Variants in PAMR1 observed in about 807,000 individuals in gnomAD.
PAMR1 encodes the protein peptidase domain containing associated with muscle regeneration 1, also known as inactive serine protease PAMR1.
In PAMR1, 88 loss-of-function variants were observed where a neutral mutation model predicts 81.8. The ratio of observed to expected loss-of-function variants is 1.08; its 90% CI spans 0.91 to 1.28. PAMR1 has a LOEUF of 1.28. Among genes scored for constraint, PAMR1 ranks in the 50% most tolerant of loss-of-function variants. The pLI is 0.00. For missense variants in PAMR1, 935 were observed against 919.7 expected (o/e 1.02, Z -0.21); for synonymous variants, 336 against 345.3 (o/e 0.97, Z 0.30).
At chr11:35,524,956 G>C (rs1851357163) in intron 1 of PAMR1, among the ~76,000 whole-genome samples, 1 of 152,202 alleles carries the variant, frequency 6.6e-6, no homozygotes. Flanking sequence ...CATCAGAAAG[G>C]AAGTGTGTCT....
chr11:35,447,360 G>A lies in PAMR1; in HGVS notation c.821-5667C>T, dbSNP rs184051184. Among the ~76,000 whole-genome samples the A allele has an allele frequency of 4.6e-3, 693 of 151,998 alleles. 7 individuals are homozygous for A. Among genetic ancestry groups the A allele is most frequent in the African/African-American group, 0.016 (652 of 41,444 alleles). ...TGGGACTACAGCCACCTGCTACCAC[G>A]CCCGGCTAATTTTTTTCTATTTTTT... On this transcript the variant is annotated intron_variant, in intron 6 of 10. Coordinates refer to ENST00000619888, the MANE Select transcript of PAMR1 (RefSeq NM_001001991.3).
intron 7 of PAMR1, 56 bp downstream of exon 7, chr11:35,441,425 A>C (rs1184231617): frequency 5.5e-5 from 73 of 1,336,066 alleles, no homozygotes; most frequent in Non-Finnish European, 1.1e-6. Context: ...AGGAGCTACC[A>C]AAAAGTCTAG....
intron 1 of PAMR1, among the ~76,000 whole-genome samples, chr11:35,516,096 T>C (rs376319218): frequency 1.4e-4 from 21 of 152,292 alleles, no homozygotes; most frequent in African/African-American, 4.3e-4. Context: ...AAATGGATTA[T>C]CTCATTTAAT....
At chr11:35,489,414 T>G (rs1850575199) in intron 3 of PAMR1, among the ~76,000 whole-genome samples, 2 of 152,288 alleles carry the variant, frequency 1.3e-5, no homozygotes, top group Non-Finnish European at 2.9e-5. Flanking sequence ...CTTTAAGCTC[T>G]TCTCACTCTA....
Position 35,493,010 on chromosome 11 carries a change from T to A in PAMR1, c.251-837A>T, listed in dbSNP as rs145496509. On this transcript the variant is annotated intron_variant, in intron 2 of 10. Coordinates refer to ENST00000619888, the MANE Select transcript of PAMR1 (RefSeq NM_001001991.3). ...TGTCCTCATTTGTCAAACTGGGTGA[T>A]ATGATTTGGATCTGTGTCCCCACCC... Among the ~76,000 whole-genome samples the A allele has an allele frequency of 4.6e-3, 702 of 152,310 alleles. 4 individuals carry two copies. The highest frequency in any genetic ancestry group is 0.016 in the African/African-American group (671 of 41,566).
chr11:35,454,347 C>A (rs1856480928), intron 6 of PAMR1, among the ~76,000 whole-genome samples: 1 of 152,164 alleles, frequency 6.6e-6, no homozygotes, highest in Non-Finnish European at 1.5e-5. Context: ...CCCAGGGTTG[C>A]CTGTAGGCAA....
At chr11:35,436,796 G>A (rs915417380) in intron 8 of PAMR1, among the ~76,000 whole-genome samples, 2 of 151,980 alleles carry the variant, frequency 1.3e-5, no homozygotes, top group African/African-American at 4.8e-5. Flanking sequence ...TTTAACCAAA[G>A]ACAATAATAC....
intron 8 of PAMR1, among the ~76,000 whole-genome samples, chr11:35,439,025 C>T (rs1283165850): frequency 6.6e-6 from 1 of 151,962 alleles, no homozygotes; most frequent in African/African-American, 2.4e-5. Flanking sequence ...TCAAGGAGGC[C>T]CGTGTAGCTG....
chr11:35,439,833 C>A, intron 7 of PAMR1, 140 bp from the exon 8 acceptor site: 1 of 671,192 alleles, frequency 1.5e-6, no homozygotes, highest in South Asian at 1.7e-5. Flanking sequence ...ACATGTCAGC[C>A]AAGCTTGAAC....
At chr11:35,443,618 C>A (rs913795170) in intron 6 of PAMR1, among the ~76,000 whole-genome samples, 3 of 152,158 alleles carry the variant, frequency 2.0e-5, no homozygotes, top group African/African-American at 7.2e-5. Context: ...CATTGATGGT[C>A]ATTTGGGTTA....
In PAMR1 at chr11:35,483,263, CCTCCTTCCCCCAGCTTCCTGCA is replaced by C. The variant is rs770440471; in HGVS notation, c.380-8541_380-8520del. Among the ~76,000 whole-genome samples the C allele has an allele frequency of 8.3e-4, 126 of 152,256 alleles. 1 individual carries two copies. In the Middle Eastern group the frequency reaches 0.01, roughly 12 times the overall value. ...GGAAATCTCTCTTTGATTTTCATCT[CCTCCTTCCCCCAGCTTCCTGCA>C]CTCCTGTGACTACAAGACTGGGAAG... On this transcript the variant is annotated intron_variant, in intron 3 of 10. Transcript: ENST00000619888.
chr11:35,459,449 A>T (rs536480209), intron 6 of PAMR1, among the ~76,000 whole-genome samples: 4 of 152,304 alleles, frequency 2.6e-5, no homozygotes, highest in Admixed American at 2.6e-4. Context: ...GCTTCCCCAA[A>T]TCTCAGAAGA....
chr11:35,445,231 A>G (rs1442715948), intron 6 of PAMR1, among the ~76,000 whole-genome samples: 1 of 152,258 alleles, frequency 6.6e-6, no homozygotes, highest in Non-Finnish European at 1.5e-5. Flanking sequence ...CAGCTTAAGA[A>G]GCTTTTGGTC....
At chr11:35,479,232 C>A (rs1380261572) in intron 3 of PAMR1, among the ~76,000 whole-genome samples, 1 of 152,150 alleles carries the variant, frequency 6.6e-6, no homozygotes, top group African/African-American at 2.4e-5. Flanking sequence ...GAGGCATTTG[C>A]ATTTTCTTTC....
At chr11:35,450,043 G>C (rs1856378345) in intron 6 of PAMR1, among the ~76,000 whole-genome samples, 1 of 137,622 alleles carries the variant, frequency 7.3e-6, no homozygotes, top group Non-Finnish European at 1.5e-5. Flanking sequence ...CAGCCATCTT[G>C]GCCCCCACAA....
intron 6 of PAMR1, among the ~76,000 whole-genome samples, chr11:35,464,248 A>G (rs926274732): frequency 6.6e-5 from 10 of 152,256 alleles, no homozygotes; most frequent in African/African-American, 2.4e-4. Context: ...GGATGAATAT[A>G]TAATTATATT....
intron 3 of PAMR1, among the ~76,000 whole-genome samples, chr11:35,481,211 G>A (rs1275625922): frequency 6.6e-6 from 1 of 152,124 alleles, no homozygotes; most frequent in Non-Finnish European, 1.5e-5. Flanking sequence ...ATTCCTTTGG[G>A]TATACACCCA....
intron 9 of PAMR1, 107 bp from the exon 10 acceptor site, chr11:35,434,911 G>T (rs1341674546): frequency 9.9e-7 from 1 of 1,010,644 alleles, no homozygotes; most frequent in Non-Finnish European, 1.5e-6. Flanking sequence ...AACTGTATGG[G>T]CATGATGACC....
chr11:35,465,361 G>A (rs1276550921), intron 6 of PAMR1, among the ~76,000 whole-genome samples: 2 of 152,082 alleles, frequency 1.3e-5, no homozygotes, highest in Non-Finnish European at 2.9e-5. Flanking sequence ...TTCAGAGTTT[G>A]GGGAACCCCA....
Sources: allele counts gnomAD v4.1 joint callset (sites outside exome capture counted in the v4.1 genomes callset), GRCh38; gene constraint gnomAD v4.1.1; transcripts MANE v1.5; gene names NCBI Gene and HGNC (gene_info 2026-07-23, HGNC 2026-07-21).